The following STATH variants were observed in gnomAD, a reference collection of about 807,000 sequenced individuals.
The protein encoded by STATH is statherin.
STATH carries 11 observed loss-of-function variants against 13.3 expected under a neutral mutation model. That is an observed-to-expected ratio of 0.83 (90% CI 0.52 to 1.37). The LOEUF is 1.37. Among genes scored for constraint, STATH ranks in the 40% most tolerant of loss-of-function variants. The pLI, the probability that STATH is intolerant of heterozygous loss-of-function variation, is 0.00. For missense variants in STATH, 78 were observed against 73.3 expected (o/e 1.06, Z -0.24); for synonymous variants, 25 against 23.6 (o/e 1.06, Z -0.17).
chr4:69,996,704 T>C (rs1724511863), intron 1 of STATH, among the ~76,000 whole-genome samples: 1 of 152,016 alleles, frequency 6.6e-6, no homozygotes, highest in Non-Finnish European at 1.5e-5. Context: ...TATCTATGTC[T>C]ATATATCCAT....
Sources: gnomAD v4.1 joint callset for allele counts (sites outside exome capture counted in the v4.1 genomes callset) on GRCh38, gnomAD v4.1.1 for gene constraint, MANE v1.5 for transcripts, NCBI Gene and HGNC (gene_info 2026-07-23, HGNC 2026-07-21) for gene names.